Variants in SAMSN1 observed in about 807,000 individuals in gnomAD.
SAMSN1 encodes the protein SAM domain-containing protein SAMSN-1.
SAMSN1 carries 31 observed loss-of-function variants against 42.0 expected under a neutral mutation model. The ratio of observed to expected loss-of-function variants is 0.74; its 90% CI spans 0.55 to 1.00. The LOEUF is 1.00. Ranked by LOEUF, SAMSN1 falls within the 50% of genes least tolerant of loss-of-function variation. SAMSN1 has a pLI of 0.00. For missense variants in SAMSN1, 464 were observed against 439.4 expected, an observed-to-expected ratio of 1.06 and a Z score of -0.50; for synonymous variants, 178 against 151.9, an observed-to-expected ratio of 1.17 and a Z score of -1.26.
chr21:14,612,313 C>T (rs115842677), intron 4 of SAMSN1, among the ~76,000 whole-genome samples: 2,551 of 152,220 alleles, frequency 0.017, 80 homozygotes, highest in African/African-American at 0.058. Context: ...TACTGACTCC[C>T]TATTTGCTGT....
chr21:14,619,525 G>A (rs1267479216), intron 2 of SAMSN1: 1 of 179,906 alleles, frequency 5.6e-6, no homozygotes, highest in Non-Finnish European at 1.4e-5. Context: ...CATTTCTAAT[G>A]TATTTTTTTT....
chr21:14,573,650 C>A (rs374409750), intron 2 of SAMSN1, among the ~76,000 whole-genome samples: 2 of 152,114 alleles, frequency 1.3e-5, no homozygotes, highest in Non-Finnish European at 2.9e-5. Flanking sequence ...TAGAAAGAAA[C>A]CTTTATATAC....
At chr21:14,550,481 G>C (rs1323253487), upstream of SAMSN1, among the ~76,000 whole-genome samples, 3 of 152,080 alleles carry the variant, frequency 2.0e-5, no homozygotes, top group Non-Finnish European at 4.4e-5. Flanking sequence ...AAGAAGATGG[G>C]AGCTACTGAG....
Position 14,601,546 on chromosome 21 carries a change from C to T in SAMSN1, c.399+477G>A, listed in dbSNP as rs369971093. 2.4e-4 allele frequency among the ~76,000 whole-genome samples: 37 copies of T among 152,280 alleles called. 1 individual carries two copies. In the East Asian group the frequency reaches 6.2e-3, roughly 25 times the overall value. On this transcript the variant is annotated intron_variant, in intron 6 of 15. Transcript: ENST00000647101. ...GGCCTTGTTGACTCATATATCCTCT[C>T]TTGTTACAGGGTGAATAGCAAGTAT... is the stretch of plus-strand genomic sequence containing the variant.
chr21:14,571,841 C>A (rs1191469282), intron 2 of SAMSN1, among the ~76,000 whole-genome samples: 2 of 152,076 alleles, frequency 1.3e-5, no homozygotes, highest in Non-Finnish European at 2.9e-5. Context: ...CAGTAGAGTA[C>A]CCCCAAGAAG....
chr21:14,582,249 T>C, exon 2 of SAMSN1: 1 of 1,550,888 alleles, frequency 6.4e-7, no homozygotes, highest in Non-Finnish European at 8.7e-7. Context: ...TCAAGACATG[T>C]CCAGAGAGGG....
At chr21:14,500,758 A>C (rs1285328799) in intron 5 of SAMSN1, 23 bp from the exon 6 acceptor site, 7 of 1,552,526 alleles carry the variant, frequency 4.5e-6, no homozygotes, top group Non-Finnish European at 6.2e-6. Context: ...AAATCCATAC[A>C]CATTAGATTT....
chr21:14,555,243 C>T (rs765436765), intron 2 of SAMSN1, among the ~76,000 whole-genome samples: 2 of 152,166 alleles, frequency 1.3e-5, no homozygotes, highest in South Asian at 4.1e-4. Context: ...CTCCATTCAC[C>T]TTTTATTATC....
chr21:14,627,460 T>C (rs1983212094), intron 2 of SAMSN1, among the ~76,000 whole-genome samples: 1 of 152,198 alleles, frequency 6.6e-6, no homozygotes, highest in Non-Finnish European at 1.5e-5. Context: ...CTGAATACTC[T>C]CCATCCTTGC....
chr21:14,519,420 T>C (rs1262560349), intron 2 of SAMSN1, among the ~76,000 whole-genome samples: 2 of 152,262 alleles, frequency 1.3e-5, no homozygotes, highest in Non-Finnish European at 2.9e-5. Flanking sequence ...AATATATGTA[T>C]GATTGTGGAG....
chr21:14,652,676 A>G (rs935459655), intron 1 of SAMSN1, among the ~76,000 whole-genome samples: 20 of 151,990 alleles, frequency 1.3e-4, no homozygotes, highest in African/African-American at 4.6e-4. Context: ...CCAAAGCAAA[A>G]CTGAACAAAT....
chr21:14,490,675 C>T (rs981902072), intron 7 of SAMSN1, among the ~76,000 whole-genome samples: 6 of 152,150 alleles, frequency 3.9e-5, no homozygotes, highest in African/African-American at 1.4e-4. Context: ...CTTTTGGAAA[C>T]ACAACAACAA....
chr21:14,574,025 T>C (rs1600938278), intron 2 of SAMSN1, among the ~76,000 whole-genome samples: 2 of 152,212 alleles, frequency 1.3e-5, no homozygotes, highest in African/African-American at 4.8e-5. Flanking sequence ...CCAAGGCTCA[T>C]TATATGTTCT....
At chr21:14,557,763 C>T (rs569257017) in intron 2 of SAMSN1, among the ~76,000 whole-genome samples, 5 of 152,156 alleles carry the variant, frequency 3.3e-5, no homozygotes, top group Non-Finnish European at 7.4e-5. Flanking sequence ...TGCCATTCTC[C>T]TCCTTTCTTT....
intron 5 of SAMSN1, among the ~76,000 whole-genome samples, chr21:14,607,878 C>T (rs1275284664): frequency 6.6e-6 from 1 of 152,164 alleles, no homozygotes; most frequent in Non-Finnish European, 1.5e-5. Context: ...ATACAATAAT[C>T]TAAAATACAA....
At chr21:14,568,353 C>T (rs907871129) in intron 2 of SAMSN1, among the ~76,000 whole-genome samples, 4 of 152,272 alleles carry the variant, frequency 2.6e-5, no homozygotes, top group African/African-American at 9.6e-5. Context: ...AATAAGTGTG[C>T]CACTGTATGA....
Position 14,546,009 on chromosome 21 carries a change from C to G in SAMSN1, c.57+196G>C, listed in dbSNP as rs537414434. ...CAATATGCACCATAAGACAAAATTA[C>G]AGAGACAATAATTGCTAGGTGTGAT... is the stretch of plus-strand genomic sequence containing the variant. On this transcript the variant is annotated intron_variant, in intron 1 of 7. Coordinates refer to ENST00000400566, the MANE Select transcript of SAMSN1 (RefSeq NM_022136.5). 2.6e-5 allele frequency among the ~76,000 whole-genome samples: 4 copies of G among 152,312 alleles called. No homozygotes were observed. In the South Asian group the frequency reaches 8.3e-4, roughly 32 times the overall value.
chr21:14,656,311 T>C (rs1000424577), intron 1 of SAMSN1, among the ~76,000 whole-genome samples: 3 of 151,748 alleles, frequency 2.0e-5, no homozygotes, highest in African/African-American at 7.2e-5. Flanking sequence ...AGCAGAATTA[T>C]TAATATTTTA....
chr21:14,526,347 T>G (rs1978856368), intron 1 of SAMSN1, among the ~76,000 whole-genome samples: 1 of 152,240 alleles, frequency 6.6e-6, no homozygotes, highest in Non-Finnish European at 1.5e-5. Flanking sequence ...TTCAAGACTA[T>G]CTGCAATCAC....
Sources: allele counts gnomAD v4.1 joint callset (sites outside exome capture counted in the v4.1 genomes callset), GRCh38; gene constraint gnomAD v4.1.1; transcripts MANE v1.5; gene names NCBI Gene and HGNC (gene_info 2026-07-23, HGNC 2026-07-21).